Variants in ARHGAP15 observed in about 807,000 individuals in gnomAD.
ARHGAP15 encodes Rho GTPase activating protein 15, also known as rho GTPase-activating protein 15.
ARHGAP15 carries 51 observed loss-of-function variants against 63.7 expected under a neutral mutation model. The observed-to-expected ratio is 0.80, with a 90% CI of 0.64 to 1.01. The LOEUF (loss-of-function observed/expected upper bound fraction) is 1.01, where lower values mean the gene tolerates loss of function less well. ARHGAP15 is among the 50% of genes least tolerant of loss of function. ARHGAP15 has a pLI of 0.00. For synonymous variants in ARHGAP15, 191 were observed against 193.8 expected, an observed-to-expected ratio of 0.99 and a Z score of 0.12; for missense variants, 560 against 564.6, an observed-to-expected ratio of 0.99 and a Z score of 0.08.
chr2:143,396,531 G>T (rs1204056102), intron 6 of ARHGAP15, among the ~76,000 whole-genome samples: 3 of 151,798 alleles, frequency 2.0e-5, no homozygotes, highest in African/African-American at 7.3e-5. Flanking sequence ...TAAAGTGTTT[G>T]GTTCAATAAT....
chr2:143,385,460 T>C (rs1383303144), intron 6 of ARHGAP15, among the ~76,000 whole-genome samples: 4 of 152,160 alleles, frequency 2.6e-5, no homozygotes, highest in Non-Finnish European at 5.9e-5. Context: ...TTGAGAATTT[T>C]TCTGTATACA....
intron 6 of ARHGAP15, among the ~76,000 whole-genome samples, chr2:143,429,182 TAA>T (rs1396219896): frequency 6.6e-6 from 1 of 151,346 alleles, no homozygotes; most frequent in Non-Finnish European, 1.5e-5. Flanking sequence ...TCTCAGTACT[TAA>T]AATATTTTAA....
At position 143,735,494 on chromosome 2, in the gene ARHGAP15, G is replaced by T. The variant is rs542292607; in HGVS notation, c.1244+31970G>T. On this transcript the variant is annotated intron_variant, in intron 13 of 13. Coordinates refer to ENST00000295095, the MANE Select transcript of ARHGAP15 (RefSeq NM_018460.4). ...AAGATGGCAACACCAGAATTGTATC[G>T]TATCAGCTTAGCGTACTCAGGGGCA... 1.7e-4 allele frequency among the ~76,000 whole-genome samples: 26 copies of T among 152,250 alleles called. 1 individual carries two copies. In the South Asian group the frequency reaches 5.4e-3, roughly 32 times the overall value.
At position 143,493,057 on chromosome 2, in the gene ARHGAP15, C is replaced by CA. The variant is rs112141944; in HGVS notation, c.826+5571dup. On this transcript the variant is annotated intron_variant, in intron 9 of 13. Transcript: ENST00000295095. ...TGGGCGACAGAGCGAGACTCTGTCT[C>CA]AAAAAAAAACAAAAAAAACCATCAA... is the stretch of plus-strand genomic sequence containing the variant. Among the ~76,000 whole-genome samples, 814 of 148,170 alleles carry CA rather than the reference C, an allele frequency of 5.5e-3. 8 individuals are homozygous for CA. Among genetic ancestry groups the CA allele is most frequent in the African/African-American group, 0.018 (722 of 39,940 alleles).
At chr2:143,169,875 A>G (rs894521513) in intron 2 of ARHGAP15, among the ~76,000 whole-genome samples, 7 of 152,124 alleles carry the variant, frequency 4.6e-5, no homozygotes, top group Non-Finnish European at 8.8e-5. Flanking sequence ...GACCAGTAAC[A>G]TTGCACTCTA....
chr2:143,348,305 TTC>T (rs2105306947), intron 6 of ARHGAP15, among the ~76,000 whole-genome samples: 1 of 152,320 alleles, frequency 6.6e-6, no homozygotes, highest in South Asian at 2.1e-4. Flanking sequence ...GTTATGTAAA[TTC>T]TGACAGTCAT....
chr2:143,554,269 A>G (rs192966934), intron 10 of ARHGAP15, among the ~76,000 whole-genome samples: 19 of 152,274 alleles, frequency 1.2e-4, no homozygotes, highest in Admixed American at 1.0e-3. Context: ...ATCCATGGGA[A>G]AATAATCAGG....
intron 6 of ARHGAP15, among the ~76,000 whole-genome samples, chr2:143,332,091 C>A (rs911222299): frequency 8.5e-5 from 13 of 152,090 alleles, no homozygotes; most frequent in African/African-American, 3.1e-4. Flanking sequence ...TTTCGGTCAA[C>A]CTATTACGTA....
chr2:143,768,115 G>C lies in ARHGAP15; in HGVS notation c.1371G>C (p.Gln457His), dbSNP rs753903162. The C allele has an allele frequency of 6.2e-7, 1 of 1,613,856 alleles. No individual in the cohort carries two copies. Among genetic ancestry groups the C allele is most frequent in the East Asian group, 2.2e-5 (1 of 44,870 alleles). ...NMAIHMVYQN[Q>H]IAELMLSEYS... ...CGATCCACATGGTCTACCAGAACCA[G>C]ATAGCTGAGCTCATGCTGAGTGAGT... The change falls in exon 14 of 14, where the codon CAG becomes CAC. Residue 457 changes from glutamine to histidine, a missense_variant. Gln to His is a conservative substitution (Grantham distance 24). Transcript: ENST00000295095.
At chr2:143,678,608 T>C (rs1367335235) in intron 12 of ARHGAP15, among the ~76,000 whole-genome samples, 3 of 152,206 alleles carry the variant, frequency 2.0e-5, no homozygotes, top group Non-Finnish European at 4.4e-5. Context: ...CTCTGCATCA[T>C]AGTTTTTACA....
intron 4 of ARHGAP15, among the ~76,000 whole-genome samples, chr2:143,221,745 T>C (rs1693006551): frequency 6.6e-6 from 1 of 152,178 alleles, no homozygotes; most frequent in South Asian, 2.1e-4. Flanking sequence ...TACCACAATA[T>C]AGAGTCACAT....
At chr2:143,566,544 G>C (rs1229443082) in intron 11 of ARHGAP15, among the ~76,000 whole-genome samples, 2 of 152,024 alleles carry the variant, frequency 1.3e-5, no homozygotes, top group Admixed American at 6.5e-5. Context: ...AAAATACTAG[G>C]ATCTGCAGGC....
chr2:143,751,497 C>T (rs1686371944), intron 13 of ARHGAP15, among the ~76,000 whole-genome samples: 1 of 152,300 alleles, frequency 6.6e-6, no homozygotes, highest in Non-Finnish European at 1.5e-5. Flanking sequence ...TGAGAAGCAG[C>T]TCCCCCAGGA....
chr2:143,677,726 A>T (rs532234799), intron 12 of ARHGAP15, among the ~76,000 whole-genome samples: 2 of 152,356 alleles, frequency 1.3e-5, no homozygotes, highest in Non-Finnish European at 2.9e-5. Flanking sequence ...CATATAATGA[A>T]GTTATTGAGT....
intron 6 of ARHGAP15, among the ~76,000 whole-genome samples, chr2:143,342,450 A>T (rs919235475): frequency 6.6e-6 from 1 of 152,114 alleles, no homozygotes; most frequent in African/African-American, 2.4e-5. Context: ...TAATGTGAAT[A>T]TGCCATGATC....
At chr2:143,456,826 A>T (rs553571238) in intron 8 of ARHGAP15, among the ~76,000 whole-genome samples, 1 of 24,744 alleles carries the variant, frequency 4.0e-5, no homozygotes, top group Non-Finnish European at 7.6e-5. Context: ...AATTGTGTAC[A>T]TGTGTTTTGA....
At chr2:143,354,351 G>A (rs1243299147) in intron 6 of ARHGAP15, among the ~76,000 whole-genome samples, 1 of 152,124 alleles carries the variant, frequency 6.6e-6, no homozygotes, top group Non-Finnish European at 1.5e-5. Context: ...TTGCTTGGTA[G>A]GATCCCTAAG....
At chr2:143,316,308 A>AT (rs2105206274) in intron 6 of ARHGAP15, among the ~76,000 whole-genome samples, 1 of 151,854 alleles carries the variant, frequency 6.6e-6, no homozygotes, top group Non-Finnish European at 1.5e-5. Context: ...GAAATGCAGA[A>AT]TTTCAGGCCA....
chr2:143,751,324 G>A (rs1686364760), intron 13 of ARHGAP15, among the ~76,000 whole-genome samples: 1 of 152,120 alleles, frequency 6.6e-6, no homozygotes, highest in Non-Finnish European at 1.5e-5. Context: ...GCTCTCTTCA[G>A]CTGAGGCAAA....
Sources: gnomAD v4.1 joint callset for allele counts (sites outside exome capture counted in the v4.1 genomes callset) on GRCh38, gnomAD v4.1.1 for gene constraint, MANE v1.5 for transcripts, NCBI Gene and HGNC (gene_info 2026-07-23, HGNC 2026-07-21) for gene names.